MAP4: variants seen among roughly 807,000 people sequenced by gnomAD.
MAP4 encodes microtubule associated protein 4.
A neutral mutation model predicts 170.2 loss-of-function variants in MAP4; 76 were observed. The observed-to-expected ratio is 0.45, with a 90% CI of 0.37 to 0.54. The LOEUF (loss-of-function observed/expected upper bound fraction) is 0.54. Among genes scored for constraint, MAP4 ranks in the 20% least tolerant of loss-of-function variants. The pLI, the probability that MAP4 is intolerant of heterozygous loss-of-function variation, is 0.00. For missense variants in MAP4, 2,506 were observed against 2,748.0 expected (o/e 0.91, Z 1.97); for synonymous variants, 909 against 994.5 (o/e 0.91, Z 1.62).
intron 1 of MAP4, among the ~76,000 whole-genome samples, chr3:48,041,034 C>T (rs2100121394): frequency 2.0e-5 from 3 of 151,890 alleles, no homozygotes; most frequent in Non-Finnish European, 2.9e-5. Flanking sequence ...CAAGTACCTG[C>T]GTCAACAATC....
intron 2 of MAP4, among the ~76,000 whole-genome samples, chr3:47,980,685 T>C (rs1219117416): frequency 2.0e-5 from 3 of 152,184 alleles, no homozygotes; most frequent in African/African-American, 7.2e-5. Context: ...CCCTGCTAAG[T>C]CTTCACAAAC....
At chr3:47,953,570 T>C (rs2100065883) in intron 3 of MAP4, among the ~76,000 whole-genome samples, 1 of 152,082 alleles carries the variant, frequency 6.6e-6, no homozygotes, top group African/African-American at 2.4e-5. Flanking sequence ...CTATGTTTAA[T>C]GAGGTGGAGA....
intron 1 of MAP4, among the ~76,000 whole-genome samples, chr3:48,042,075 G>A (rs184661341): frequency 2.9e-4 from 44 of 152,302 alleles, no homozygotes; most frequent in Admixed American, 9.8e-4. Flanking sequence ...TTTTCGAGTT[G>A]TGCGAGCTGC....
intron 3 of MAP4, among the ~76,000 whole-genome samples, chr3:47,952,479 G>T (rs576564430): frequency 1.3e-5 from 2 of 152,194 alleles, no homozygotes; most frequent in Admixed American, 1.3e-4. Flanking sequence ...TGAGAAATCG[G>T]ATGGTTGCTG....
At chr3:48,033,098 A>G (rs2100117010) in intron 1 of MAP4, among the ~76,000 whole-genome samples, 4 of 152,218 alleles carry the variant, frequency 2.6e-5, no homozygotes, top group Admixed American at 2.6e-4. Context: ...ATTAACAAAT[A>G]TATTTGTTCA....
At chr3:47,999,531 C>T (rs903940034) in intron 1 of MAP4, among the ~76,000 whole-genome samples, 3 of 151,988 alleles carry the variant, frequency 2.0e-5, no homozygotes, top group Non-Finnish European at 4.4e-5. Flanking sequence ...TAAAAAAGAA[C>T]GAGATCATGT....
At chr3:48,085,912 C>A (rs1045908181) in intron 1 of MAP4, among the ~76,000 whole-genome samples, 1 of 152,036 alleles carries the variant, frequency 6.6e-6, no homozygotes, top group African/African-American at 2.4e-5. Flanking sequence ...ATTAGCCAGG[C>A]GTGGTGGCAC....
chr3:47,909,832 T>G lies in MAP4; in HGVS notation c.4589A>C (p.Lys1530Thr). ...NIHGDHSLKN[K>T]AELADSMKNE... is the part of the protein sequence containing the mutation. ...TTTCATGGAATCAGCAAGCTCAGCT[T>G]TATTCTTAAGAGAGTGATCTCCATG... Residue 1530 changes from lysine to threonine, a missense_variant, in exon 9 of 21, where the codon AAA becomes ACA. By Grantham distance (78) the Lys-to-Thr change is moderately conservative (BLOSUM62 -1). Transcript: ENST00000683076. 1 of 1,614,046 alleles carries G rather than the reference T, an allele frequency of 6.2e-7. No homozygotes were observed. The highest frequency in any genetic ancestry group is 8.5e-7 in the Non-Finnish European group (1 of 1,179,880).
intron 3 of MAP4, among the ~76,000 whole-genome samples, chr3:47,958,034 G>C (rs2100068890): frequency 6.6e-6 from 1 of 152,174 alleles, no homozygotes. Context: ...AATTGCATTA[G>C]AAGATGAGAC....
Position 47,909,493 on chromosome 3 carries a change from T to C in MAP4, c.4928A>G (p.Asp1643Gly), listed in dbSNP as rs2100034850. 3 of 1,613,618 alleles carry C rather than the reference T, an allele frequency of 1.9e-6. No individual in the cohort carries two copies. The highest frequency in any genetic ancestry group is 2.5e-6 in the Non-Finnish European group (3 of 1,179,898). ...ACTATCTGAACCTTTGGAATTTCTA[T>C]CTTGAGCATTTTGGTCCTCACAAAA... Reference protein sequence around the residue: ...LSFCEDQNAQDRNSKGSDSLN... With the variant: ...LSFCEDQNAQGRNSKGSDSLN... The change falls in exon 9 of 21, where the codon GAT (aspartate) becomes GGT (glycine). Residue 1643 changes from aspartate to glycine, a missense_variant. Physicochemically the swap from Asp to Gly is moderately conservative, Grantham distance 94 (BLOSUM62 -1). Around this residue, in one of 3 missense-constraint regions of MAP4, gnomAD observed 2,008 missense variants for 2,206.0 expected, o/e 0.91. Transcript: ENST00000683076.
chr3:47,995,245 CTTTTCT>C (rs2100094735), intron 2 of MAP4, among the ~76,000 whole-genome samples: 1 of 132,440 alleles, frequency 7.6e-6, no homozygotes, highest in Non-Finnish European at 1.6e-5. Flanking sequence ...AACTTTTTTT[CTTTTCT>C]TTTTTTTTTT....
intron 11 of MAP4, among the ~76,000 whole-genome samples, chr3:47,876,326 T>G (rs1182077548): frequency 6.6e-6 from 1 of 151,756 alleles, no homozygotes; most frequent in African/African-American, 2.4e-5. Context: ...AAAGACGGGG[T>G]TTCACCGTTT....
At chr3:47,992,209 A>G (rs2154348614) in intron 2 of MAP4, among the ~76,000 whole-genome samples, 1 of 152,270 alleles carries the variant, frequency 6.6e-6, no homozygotes, top group East Asian at 1.9e-4. Flanking sequence ...ATAATGTATA[A>G]AAATCAGACC....
At position 48,054,168 on chromosome 3, in the gene MAP4, C is replaced by G. The variant is rs563147777; in HGVS notation, c.-20+34605G>C. Among the ~76,000 whole-genome samples the G allele has an allele frequency of 4.0e-5, 6 of 151,572 alleles. No individual in the cohort carries two copies. In the East Asian group the frequency reaches 1.2e-3, roughly 30 times the overall value. On this transcript the variant is annotated intron_variant, in intron 1 of 18. Transcript: ENST00000360240. ...AATACAAAAATTAGGTGTGGTGGCA[C>G]GCACCTGTAGTCTCAGCAAGTCAGG...
intron 10 of MAP4, among the ~76,000 whole-genome samples, chr3:47,897,952 A>AGGGGG (rs1559960134): frequency 5.8e-4 from 81 of 139,334 alleles, no homozygotes; most frequent in African/African-American, 2.0e-3. Flanking sequence ...GGGGGGGGGA[A>AGGGGG]AAAAAAAAAA....
Position 47,869,231 on chromosome 3 carries a change from T to C in MAP4, c.6391A>G (p.Lys2131Glu). The C allele has an allele frequency of 6.2e-7, 1 of 1,613,296 alleles. No individual in the cohort carries two copies. The highest frequency in any genetic ancestry group is 1.3e-5 in the African/African-American group (1 of 75,046). The part of the protein sequence containing the change: ...KTAGPIASAQ[K>E]QPAGKVQIVS... The stretch of plus-strand genomic sequence containing the variant: ...AAACTCACTTTCCCCGCAGGTTGTT[T>C]CTGTGCACTTGCAATTGGGCCGGCT... The change falls in exon 16 of 21, where the codon AAA (lysine) becomes GAA (glutamate). Residue 2131 changes from lysine to glutamate, a missense_variant. By Grantham distance (56) the Lys-to-Glu change is moderately conservative. Transcript: ENST00000683076.
At chr3:48,037,643 C>T (rs2100119398) in intron 1 of MAP4, among the ~76,000 whole-genome samples, 1 of 152,106 alleles carries the variant, frequency 6.6e-6, no homozygotes, top group Non-Finnish European at 1.5e-5. Context: ...GATCCTGTCA[C>T]CTTGGCCTCC....
intron 2 of MAP4, among the ~76,000 whole-genome samples, chr3:47,992,106 T>A (rs964424799): frequency 2.6e-5 from 4 of 152,168 alleles, no homozygotes; most frequent in Non-Finnish European, 5.9e-5. Flanking sequence ...CCATCACTTC[T>A]AAAGATGTAT....
In MAP4 at chr3:47,968,462, T is replaced by C. The variant is rs1178993558; in HGVS notation, c.292+9403A>G. On this transcript the variant is annotated intron_variant, in intron 3 of 20. Coordinates refer to ENST00000683076, the MANE Select transcript of MAP4 (RefSeq NM_001385682.1). ...CAGAAGATTGGGGAATGCACAAATA[T>C]GCAGAAATTAACACACTCCTAAATA... 3.3e-5 allele frequency among the ~76,000 whole-genome samples: 5 copies of C among 152,076 alleles called. No homozygotes were observed. In the South Asian group the frequency reaches 8.3e-4, roughly 25 times the overall value.
Sources: gnomAD v4.1 joint callset for allele counts (sites outside exome capture counted in the v4.1 genomes callset) on GRCh38, gnomAD v4.1.1 for gene constraint, gnomAD v4.1.1 regional missense constraint, MANE v1.5 for transcripts, NCBI Gene and HGNC (gene_info 2026-07-23, HGNC 2026-07-21) for gene names.